The following FAM193A variants were observed in gnomAD, a reference collection of about 807,000 sequenced individuals.
FAM193A encodes family with sequence similarity 193 member A.
In FAM193A, 22 loss-of-function variants were observed where a neutral mutation model predicts 126.5. The observed-to-expected ratio is 0.17, with a 90% CI of 0.12 to 0.25. The LOEUF (loss-of-function observed/expected upper bound fraction) is 0.25, where lower values mean the gene tolerates loss of function less well. FAM193A is among the 10% of genes least tolerant of loss of function. FAM193A has a pLI of 1.00. For synonymous variants in FAM193A, 761 were observed against 646.8 expected (o/e 1.18, Z -2.68); for missense variants, 1,675 against 1,672.8 (o/e 1.00, Z -0.02).
chr4:2,617,697 C>G (rs1431932628), intron 2 of FAM193A, among the ~76,000 whole-genome samples: 1 of 152,178 alleles, frequency 6.6e-6, no homozygotes, highest in Non-Finnish European at 1.5e-5. Context: ...TATACCACTT[C>G]ACATGTAGTG....
chr4:2,546,358 A>G (rs926385123), intron 1 of FAM193A, among the ~76,000 whole-genome samples: 1 of 152,112 alleles, frequency 6.6e-6, no homozygotes, highest in Non-Finnish European at 1.5e-5. Context: ...TATATCTACT[A>G]CCACAATCAG....
intron 2 of FAM193A, among the ~76,000 whole-genome samples, chr4:2,613,889 C>T (rs549912103): frequency 1.8e-4 from 27 of 151,890 alleles, no homozygotes; most frequent in African/African-American, 6.0e-4. Context: ...TCTCTTGCCT[C>T]TCAGCTTCCC....
intron 2 of FAM193A, among the ~76,000 whole-genome samples, chr4:2,619,047 G>C (rs190806871): frequency 4.6e-5 from 7 of 152,158 alleles, no homozygotes; most frequent in Non-Finnish European, 8.8e-5. Flanking sequence ...TATTTTTATT[G>C]CCTGTGTTCA....
Position 2,633,171 on chromosome 4 carries a change from G to A in FAM193A, c.1038+2002G>A, listed in dbSNP as rs369295189. On this transcript the variant is annotated intron_variant, in intron 5 of 20. Coordinates refer to ENST00000637812, the MANE Select transcript of FAM193A (RefSeq NM_001366318.2). The stretch of plus-strand genomic sequence containing the variant: ...CCAGCACTTTGGGAGGCCGAGGCAG[G>A]CAGATCACCTGAGGTCAGGAGTTCA... Among the ~76,000 whole-genome samples the A allele has an allele frequency of 2.6e-5, 4 of 151,970 alleles. 1 individual carries two copies. Among genetic ancestry groups the A allele is most frequent in the East Asian group, 1.9e-4 (1 of 5,144 alleles).
intron 13 of FAM193A, among the ~76,000 whole-genome samples, chr4:2,684,571 G>A (rs921154808): frequency 6.6e-6 from 1 of 151,998 alleles, no homozygotes; most frequent in Admixed American, 6.6e-5. Flanking sequence ...GTTATGTTTT[G>A]CTCAGCTTAC....
chr4:2,618,809 G>A (rs1176308889), intron 2 of FAM193A, among the ~76,000 whole-genome samples: 1 of 152,080 alleles, frequency 6.6e-6, no homozygotes, highest in Non-Finnish European at 1.5e-5. Flanking sequence ...TGGTCAGGCT[G>A]GTCTCGAGCT....
At chr4:2,538,412 C>G (rs1737020958) in intron 1 of FAM193A, among the ~76,000 whole-genome samples, 1 of 152,050 alleles carries the variant, frequency 6.6e-6, no homozygotes, top group South Asian at 2.1e-4. Flanking sequence ...AGGCTGGTCT[C>G]GAACTCGTGA....
chr4:2,643,251 A>G (rs935470537), intron 6 of FAM193A, among the ~76,000 whole-genome samples: 1 of 152,178 alleles, frequency 6.6e-6, no homozygotes, highest in African/African-American at 2.4e-5. Flanking sequence ...TTGCATTGCT[A>G]ATGTACAGAT....
At chr4:2,619,756 T>A (rs889166498) in intron 2 of FAM193A, among the ~76,000 whole-genome samples, 1 of 152,058 alleles carries the variant, frequency 6.6e-6, no homozygotes, top group Non-Finnish European at 1.5e-5. Flanking sequence ...CACGATCTAG[T>A]CTCACTGCAA....
chr4:2,538,197 CTT>C (rs940079359), intron 1 of FAM193A, among the ~76,000 whole-genome samples: 2 of 144,740 alleles, frequency 1.4e-5, no homozygotes, highest in African/African-American at 5.0e-5. Context: ...ACAAATTGTT[CTT>C]TTTTTTTTTT....
At chr4:2,697,135 A>G (rs1717132770) in intron 18 of FAM193A, among the ~76,000 whole-genome samples, 1 of 152,216 alleles carries the variant, frequency 6.6e-6, no homozygotes, top group African/African-American at 2.4e-5. Flanking sequence ...CTTCATGGGA[A>G]GACATGAGCA....
intron 19 of FAM193A, among the ~76,000 whole-genome samples, chr4:2,710,166 T>TG (rs1479498373): frequency 0.014 from 1,773 of 128,274 alleles, 33 homozygotes; most frequent in African/African-American, 0.057. Flanking sequence ...CTTTTGTTTT[T>TG]TTTTTTTTTT....
At chr4:2,626,385 C>G in intron 3 of FAM193A, 25 bp from the exon 4 acceptor site, 2 of 692,598 alleles carry the variant, frequency 2.9e-6, no homozygotes, top group East Asian at 5.4e-5. Flanking sequence ...TGGTGACTTT[C>G]TAACCTTCCT....
At chr4:2,721,207 G>A (rs1720105241) in intron 20 of FAM193A, among the ~76,000 whole-genome samples, 1 of 151,350 alleles carries the variant, frequency 6.6e-6, no homozygotes, top group Non-Finnish European at 1.5e-5. Context: ...CAGCTACTCG[G>A]GAGGCTGAGG....
Position 2,693,802 on chromosome 4 carries a change from G to C in FAM193A, c.3020G>C (p.Arg1007Pro), listed in dbSNP as rs373317366. ...ATTTPGFVDT[R>P]KSFCPAPLPP... ...ACAACTCCTGGGTTTGTGGACACAC[G>C]CAAGAGTTTCTGTCCTGCACCCCTA... Residue 1007 changes from arginine to proline, a missense_variant, in exon 16 of 21, where the codon CGC becomes CCC. This residue lies in a region of FAM193A where 1,186 missense variants were observed against 1,109.2 expected (regional missense o/e 1.07). Transcript: ENST00000637812. 15 of 1,614,068 alleles carry C rather than the reference G, an allele frequency of 9.3e-6. No homozygotes were observed. Among genetic ancestry groups the C allele is most frequent in the Admixed American group, 3.3e-5 (2 of 59,990 alleles).
intron 12 of FAM193A, among the ~76,000 whole-genome samples, chr4:2,665,320 A>T (rs752229277): frequency 6.6e-6 from 1 of 152,144 alleles, no homozygotes; most frequent in Non-Finnish European, 1.5e-5. Flanking sequence ...CTGCAGCTTT[A>T]CTAAACTTGT....
chr4:2,606,045 CTTTTTTTTTT>C (rs1170025017), intron 2 of FAM193A, among the ~76,000 whole-genome samples: 3 of 61,004 alleles, frequency 4.9e-5, no homozygotes, highest in African/African-American at 2.0e-4. Context: ...TTGCAAACCT[CTTTTTTTTTT>C]TTTTTTTTTT....
intron 1 of FAM193A, among the ~76,000 whole-genome samples, chr4:2,587,546 G>T (rs963938607): frequency 1.3e-5 from 2 of 151,656 alleles, no homozygotes; most frequent in South Asian, 2.1e-4. Flanking sequence ...ACAAAAATTA[G>T]TTGGGCATGG....
Position 2,659,591 on chromosome 4 carries a change from A to T in FAM193A, c.1423A>T (p.Asn475Tyr). The T allele has an allele frequency of 6.2e-7, 1 of 1,614,164 alleles. No homozygotes were observed. The highest frequency in any genetic ancestry group is 8.5e-7 in the Non-Finnish European group (1 of 1,180,004). The change falls in exon 9 of 21, where the codon AAC (asparagine) becomes TAC (tyrosine). Residue 475 changes from asparagine to tyrosine, a missense_variant. By Grantham distance (143) the Asn-to-Tyr change is moderately radical. This residue lies in a region of FAM193A where 1,186 missense variants were observed against 1,109.2 expected (regional missense o/e 1.07). Coordinates refer to ENST00000637812, the MANE Select transcript of FAM193A (RefSeq NM_001366318.2). ...TNKKAVTGEN[N>Y]FTDTMRHMLS... Reference sequence around the variant, plus strand: ...TAAGAAAGCAGTTACTGGCGAGAACAACTTCACAGACACCATGAGGCACAT... The same window carrying T: ...TAAGAAAGCAGTTACTGGCGAGAACTACTTCACAGACACCATGAGGCACAT...
Sources: gnomAD v4.1 joint callset for allele counts (sites outside exome capture counted in the v4.1 genomes callset) on GRCh38, gnomAD v4.1.1 for gene constraint, gnomAD v4.1.1 regional missense constraint, MANE v1.5 for transcripts, NCBI Gene and HGNC (gene_info 2026-07-23, HGNC 2026-07-21) for gene names.